The following RRM2 variants were observed in gnomAD, a reference collection of about 807,000 sequenced individuals.
The protein encoded by RRM2 is ribonucleotide reductase regulatory subunit M2.
A neutral mutation model predicts 45.9 loss-of-function variants in RRM2; 6 were observed. The observed-to-expected ratio is 0.13, with a 90% CI of 0.07 to 0.26. RRM2 has a LOEUF of 0.26. Among genes scored for constraint, RRM2 ranks in the 10% least tolerant of loss-of-function variants. RRM2 has a pLI of 1.00. For missense variants in RRM2, 343 were observed against 489.5 expected, an observed-to-expected ratio of 0.70 and a Z score of 2.82; for synonymous variants, 177 against 173.0, an observed-to-expected ratio of 1.02 and a Z score of -0.18.
chr2:10,164,263 T>A (rs912696267), intron 3 of RRM2, among the ~76,000 whole-genome samples: 1 of 152,210 alleles, frequency 6.6e-6, no homozygotes, highest in Non-Finnish European at 1.5e-5. Context: ...TGAGTCTGCA[T>A]CTGGGCTCCA....
intron 3 of RRM2, among the ~76,000 whole-genome samples, chr2:10,148,233 A>G (rs1256686590): frequency 6.7e-6 from 1 of 149,538 alleles, no homozygotes; most frequent in Non-Finnish European, 1.5e-5. Context: ...TGTTTAATGT[A>G]TCATTTCTAA....
chr2:10,123,656 T>A, intron 3 of RRM2, 80 bp from the exon 4 acceptor site: 1 of 1,427,610 alleles, frequency 7.0e-7, no homozygotes, highest in Non-Finnish European at 9.7e-7. Context: ...CCAGCATACT[T>A]AAAGTTTGAG....
Position 10,169,854 on chromosome 2 carries a change from C to T in RRM2, n.482+27479C>T, listed in dbSNP as rs145067195. 2.0e-5 allele frequency among the ~76,000 whole-genome samples: 3 copies of T among 152,166 alleles called. No individual in the cohort carries two copies. Among genetic ancestry groups the T allele is most frequent in the South Asian group, 4.1e-4 (2 of 4,832 alleles). On this transcript the variant is annotated intron_variant and non_coding_transcript_variant, in intron 3 of 3. Transcript: ENST00000381786. The surrounding 1 kb of genome is among the most constrained non-coding windows in gnomAD (Gnocchi z 5.1). ...GGAGCTGGCTTTGAACTTCTGCCCACGCTGGAACTTGGGGAGAAGAGGGAG... is the reference window on the plus strand; with the variant it reads ...GGAGCTGGCTTTGAACTTCTGCCCATGCTGGAACTTGGGGAGAAGAGGGAG...
intron 2 of RRM2, chr2:10,142,138 C>T (rs1663097215): frequency 4.1e-5 from 64 of 1,548,206 alleles, no homozygotes; most frequent in Admixed American, 5.2e-5. Context: ...CTGTGGCAGG[C>T]GCGTCTGTGA....
chr2:10,168,933 A>G (rs887181464), intron 3 of RRM2, among the ~76,000 whole-genome samples: 1 of 152,102 alleles, frequency 6.6e-6, no homozygotes, highest in Non-Finnish European at 1.5e-5. Context: ...CTGTTATTCA[A>G]CAAACACTGA....
chr2:10,205,912 C>T lies in RRM2; in HGVS notation n.483-4399C>T, dbSNP rs1289968762. Among the ~76,000 whole-genome samples, 8 of 151,960 alleles carry T rather than the reference C, an allele frequency of 5.3e-5. No individual in the cohort carries two copies. The highest frequency in any genetic ancestry group is 3.3e-4 in the Admixed American group (5 of 15,280). Reference sequence around the variant, plus strand: ...TTCACCACGTTGACCAGGCTGGTCTCGAACTCCTGACCTCATATGATCCTC... The same window carrying T: ...TTCACCACGTTGACCAGGCTGGTCTTGAACTCCTGACCTCATATGATCCTC... On this transcript the variant is annotated intron_variant and non_coding_transcript_variant, in intron 3 of 3. Transcript: ENST00000381786. The surrounding 1 kb of genome is among the most constrained non-coding windows in gnomAD (Gnocchi z 4.8).
intron 3 of RRM2, among the ~76,000 whole-genome samples, chr2:10,145,355 C>A (rs143391609): frequency 9.9e-4 from 151 of 152,296 alleles, no homozygotes; most frequent in African/African-American, 3.5e-3. Flanking sequence ...TACATAGAGA[C>A]CTAGTGTGCA....
rs1663164553 is a variant in RRM2, at chr2:10,145,230, T to C, written n.482+2855T>C. Among the ~76,000 whole-genome samples, 5 of 152,116 alleles carry C rather than the reference T, an allele frequency of 3.3e-5. No homozygotes were observed. In the South Asian group the frequency reaches 1.0e-3, roughly 32 times the overall value. On this transcript the variant is annotated intron_variant and non_coding_transcript_variant, in intron 3 of 3. Coordinates refer to the RRM2 transcript ENST00000381786. ...TGGGTGGGTAGACAGGGGCCAGGTC[T>C]GGAGGGGTTTTTAGTGCTGTGCTGA...
intron 3 of RRM2, among the ~76,000 whole-genome samples, chr2:10,200,523 T>C (rs7558698): frequency 0.13 from 441 of 3,324 alleles, 95 homozygotes; most frequent in African/African-American, 0.32. Context: ...CCACAGGGAC[T>C]GCGCGCACAA....
intron 3 of RRM2, chr2:10,155,288 A>G (rs1663400671): frequency 5.8e-6 from 1 of 172,656 alleles, no homozygotes; most frequent in Non-Finnish European, 1.2e-5. Flanking sequence ...ATAAATAAGT[A>G]TTTTGTACAT....
chr2:10,187,032 C>T (rs1031223875), intron 3 of RRM2, among the ~76,000 whole-genome samples: 8 of 152,234 alleles, frequency 5.3e-5, no homozygotes, highest in East Asian at 1.9e-4. Context: ...CCGGTGCCCC[C>T]GAGGCCCACG....
intron 3 of RRM2, among the ~76,000 whole-genome samples, chr2:10,182,150 C>T (rs1666672064): frequency 6.6e-6 from 1 of 151,888 alleles, no homozygotes; most frequent in African/African-American, 2.4e-5. Context: ...CCAGCCTGGC[C>T]GACATGGTGA....
chr2:10,196,489 G>A (rs149542364), intron 3 of RRM2, among the ~76,000 whole-genome samples: 3 of 152,198 alleles, frequency 2.0e-5, no homozygotes, highest in South Asian at 2.1e-4. Context: ...GGGAGTGGAC[G>A]TTGAGGACAC....
At chr2:10,123,167 C>A in intron 2 of RRM2, 110 bp downstream of exon 2, 1 of 1,361,906 alleles carries the variant, frequency 7.3e-7, no homozygotes, top group Non-Finnish European at 9.7e-7. Context: ...TCCTTTCCCG[C>A]CTAGGCGGCC....
intron 3 of RRM2, among the ~76,000 whole-genome samples, chr2:10,200,403 C>CACACAAAATAT (rs1664524529): frequency 6.6e-6 from 1 of 151,380 alleles, no homozygotes; most frequent in African/African-American, 2.4e-5. Flanking sequence ...AGGGACTGCG[C>CACACAAAATAT]GCACAAAATA....
At chr2:10,123,636 G>A in intron 3 of RRM2, 100 bp from the exon 4 acceptor site, 1 of 1,456,366 alleles carries the variant, frequency 6.9e-7, no homozygotes, top group South Asian at 1.2e-5. Flanking sequence ...GTGGGGCATA[G>A]TAAGTGGTGC....
chr2:10,137,746 G>A (rs141017208), upstream of RRM2, among the ~76,000 whole-genome samples: 4 of 152,340 alleles, frequency 2.6e-5, no homozygotes, highest in Non-Finnish European at 2.9e-5. Context: ...CCCTGGGGCA[G>A]CAGCTGCCTG....
chr2:10,142,151 G>A, intron 2 of RRM2: 1 of 1,561,376 alleles, frequency 6.4e-7, no homozygotes, highest in African/African-American at 1.3e-5. Context: ...GTCTGTGAGT[G>A]GTCAGAGCAG....
Position 10,122,860 on chromosome 2 carries a change from C to T in RRM2, c.62C>T (p.Pro21Leu). 3.7e-6 allele frequency: 6 copies of T among 1,601,010 alleles called. No homozygotes were observed. The highest frequency in any genetic ancestry group is 5.1e-6 in the Non-Finnish European group (6 of 1,175,624). The change falls in exon 1 of 10, where the codon CCG (proline) becomes CTG (leucine). Residue 21 changes from proline (P) to leucine (L), a missense_variant. Pro to Leu is a moderately conservative substitution (Grantham distance 98). Transcript: ENST00000304567. ...GACCCGCAGCAGCTGCAGCTCTCGCCGCTGAAGGGGCTCAGCTTGGTCGAC... is the reference window on the plus strand; with the variant it reads ...GACCCGCAGCAGCTGCAGCTCTCGCTGCTGAAGGGGCTCAGCTTGGTCGAC... Reference protein sequence around the residue: ...ITDPQQLQLSPLKGLSLVDKE... With the variant: ...ITDPQQLQLSLLKGLSLVDKE...
Sources: allele counts gnomAD v4.1 joint callset (sites outside exome capture counted in the v4.1 genomes callset), GRCh38; gene constraint gnomAD v4.1.1; non-coding constraint Gnocchi (gnomAD v3.1); transcripts MANE v1.5; gene names NCBI Gene and HGNC (gene_info 2026-07-23, HGNC 2026-07-21).